Variants in SH2D4A observed in about 807,000 individuals in gnomAD.
SH2D4A encodes SH2 domain containing 4A.
SH2D4A carries 70 observed loss-of-function variants against 64.7 expected under a neutral mutation model. That is an observed-to-expected ratio of 1.08 (90% CI 0.89 to 1.32). The LOEUF is 1.32. Ranked by LOEUF, SH2D4A falls within the 40% of genes most tolerant of loss-of-function variation. The pLI, the probability that SH2D4A is intolerant of heterozygous loss-of-function variation, is 0.00. For synonymous variants in SH2D4A, 268 were observed against 200.7 expected (o/e 1.34, Z -2.83); for missense variants, 706 against 540.1 (o/e 1.31, Z -3.04).
At chr8:19,366,727 G>A (rs1301976995) in intron 7 of SH2D4A, among the ~76,000 whole-genome samples, 2 of 151,348 alleles carry the variant, frequency 1.3e-5, no homozygotes, top group Non-Finnish European at 2.9e-5. Context: ...AGGAGGCGAA[G>A]GCTGTTGTGA....
rs556713220 is a variant in SH2D4A at position 19,394,972 on chromosome 8, C to T, written c.*330C>T. ...TTAGAAATTAAGGTGTACTTGAAAA[C>T]GAATATCTATCATATGACCCCTGCA... is the stretch of plus-strand genomic sequence containing the variant. On this transcript the variant is annotated 3_prime_UTR_variant, in exon 10 of 10. Coordinates refer to ENST00000265807, the MANE Select transcript of SH2D4A (RefSeq NM_022071.4). 114 of 175,588 alleles carry T rather than the reference C, an allele frequency of 6.5e-4. 1 individual carries two copies. The South Asian group carries it at 0.021, about 32-fold the overall frequency. The allele number at this position is 175,588 out of a possible 1,614,324, so 10.9% of individuals were successfully genotyped here.
intron 7 of SH2D4A, among the ~76,000 whole-genome samples, chr8:19,369,117 T>C (rs2053051437): frequency 6.6e-6 from 1 of 152,198 alleles, no homozygotes; most frequent in Non-Finnish European, 1.5e-5. Flanking sequence ...ATTCTGTTAA[T>C]GTGATGTGTC....
Position 19,373,603 on chromosome 8 carries a change from C to G in SH2D4A, c.991C>G (p.Leu331Val). The change falls in exon 8 of 10, where the codon CTA becomes GTA. Residue 331 changes from leucine (L) to valine (V), a missense_variant. Transcript: ENST00000265807. ...DIIRWFKEEQ[L>V]PLRAGYQKTS... Reference sequence around the variant, plus strand: ...CATCCGGTGGTTTAAAGAGGAGCAGCTACCACTTCGAGCGGGCTACCAGAA... The same window carrying G: ...CATCCGGTGGTTTAAAGAGGAGCAGGTACCACTTCGAGCGGGCTACCAGAA... 1.2e-6 allele frequency: 2 copies of G among 1,613,414 alleles called. No individual in the cohort carries two copies. Among genetic ancestry groups the G allele is most frequent in the South Asian group, 2.2e-5 (2 of 91,040 alleles).
intron 8 of SH2D4A, among the ~76,000 whole-genome samples, chr8:19,383,990 G>A (rs1378364727): frequency 6.6e-6 from 1 of 152,166 alleles, no homozygotes; most frequent in Non-Finnish European, 1.5e-5. Context: ...GTACCTAATA[G>A]GTGGTGTTTG....
Position 19,334,745 on chromosome 8 carries a change from T to G in SH2D4A, c.401T>G (p.Leu134Arg). 4 of 1,614,114 alleles carry G rather than the reference T, an allele frequency of 2.5e-6. No individual in the cohort carries two copies. The highest frequency in any genetic ancestry group is 3.4e-6 in the Non-Finnish European group (4 of 1,180,006). The change falls in exon 4 of 10, where the codon CTG becomes CGG. Residue 134 changes from leucine (L) to arginine (R), a missense_variant. Transcript: ENST00000265807. ...AAAACAAAATCACAGTACCATGATC[T>G]GCAGGCTCCGGATAACCAGCAGACT... ...SLKTKSQYHDLQAPDNQQTKD... is the reference protein window; with the variant it reads ...SLKTKSQYHDRQAPDNQQTKD...
At chr8:19,345,142 GTAC>G (rs1388889244) in intron 4 of SH2D4A, among the ~76,000 whole-genome samples, 2 of 152,140 alleles carry the variant, frequency 1.3e-5, no homozygotes, top group African/African-American at 4.8e-5. Flanking sequence ...CCAGGTGCAG[GTAC>G]TTCCTATGCT....
chr8:19,353,661 C>G, intron 4 of SH2D4A, among the ~76,000 whole-genome samples: 1 of 146,228 alleles, frequency 6.8e-6, no homozygotes, highest in Non-Finnish European at 1.5e-5. Flanking sequence ...GCCACCACAC[C>G]TGGCCTCTAG....
intron 8 of SH2D4A, among the ~76,000 whole-genome samples, chr8:19,378,282 G>C (rs2053229593): frequency 6.6e-6 from 1 of 152,104 alleles, no homozygotes. Flanking sequence ...TTTCAATGAG[G>C]TTAAATTTAG....
intron 2 of SH2D4A, among the ~76,000 whole-genome samples, chr8:19,330,445 A>G (rs2052351387): frequency 6.6e-6 from 1 of 152,158 alleles, no homozygotes. Flanking sequence ...CTTCTTGCCA[A>G]GAGCCACTGC....
In SH2D4A at chr8:19,394,995, G is replaced by A. The variant is rs193056551; in HGVS notation, c.*353G>A. 98 of 158,132 alleles carry A rather than the reference G, an allele frequency of 6.2e-4. No individual in the cohort carries two copies. The highest frequency in any genetic ancestry group is 1.2e-3 in the Admixed American group (19 of 15,448). 9.8% of individuals were successfully genotyped at this position (158,132 alleles called of 1,614,324 possible). A position where few individuals can be genotyped will look rare whatever the true frequency, so the allele number is the denominator to read the frequency against. The stretch of plus-strand genomic sequence containing the variant: ...AACGAATATCTATCATATGACCCCT[G>A]CACTCCCTCTGTATCATCTCAGGAG... On this transcript the variant is annotated 3_prime_UTR_variant, in exon 10 of 10. Transcript: ENST00000265807.
chr8:19,393,520 G>A lies in SH2D4A; in HGVS notation c.1251G>A (p.Ala417=), dbSNP rs745457327. ...GVDQLQHATL[A]DLVEYHKEEP... ...ACCAGCTACAGCATGCCACCTTGGC[G>A]GATTTGGTGGAATATCACAAGGTGA... The change falls in exon 9 of 10, where the codon GCG becomes GCA. Residue 417 remains alanine (A), a synonymous_variant. Transcript: ENST00000265807. 114 of 1,614,044 alleles carry A rather than the reference G, an allele frequency of 7.1e-5. No homozygotes were observed. The highest frequency in any genetic ancestry group is 1.8e-4 in the Admixed American group (11 of 60,002).
At chr8:19,394,519 A>ACTAT in intron 9 of SH2D4A, 31 bp from the exon 10 acceptor site, 1 of 1,521,430 alleles carries the variant, frequency 6.6e-7, no homozygotes, top group Non-Finnish European at 9.0e-7. Context: ...CACTACTTAC[A>ACTAT]CTATCTGACC....
chr8:19,326,738 T>TG (rs1019111623), intron 2 of SH2D4A, among the ~76,000 whole-genome samples: 3 of 152,142 alleles, frequency 2.0e-5, no homozygotes, highest in African/African-American at 7.2e-5. Context: ...TCTTTTACTG[T>TG]GATTGCCCAT....
At chr8:19,384,419 T>C (rs1389892583) in intron 8 of SH2D4A, among the ~76,000 whole-genome samples, 3 of 152,218 alleles carry the variant, frequency 2.0e-5, no homozygotes, top group Admixed American at 6.5e-5. Flanking sequence ...CTGCCTGATT[T>C]TGTCACCCTT....
In SH2D4A at chr8:19,364,190, C is replaced by G; in HGVS notation, c.825C>G (p.Ser275Arg). Residue 275 changes from serine to arginine, a missense_variant, in exon 7 of 10, where the codon AGC (serine) becomes AGG (arginine). Ser to Arg is a moderately radical substitution (Grantham distance 110). Coordinates refer to ENST00000265807, the MANE Select transcript of SH2D4A (RefSeq NM_022071.4). ...GAAGAGGCGGTGAGAGGCTGCAAAG[C>G]CCCTTGCGTGTTCCGCAGAAACCAG... ...QKGRGGERLQSPLRVPQKPER... is the reference protein window; with the variant it reads ...QKGRGGERLQRPLRVPQKPER... 1 of 1,614,150 alleles carries G rather than the reference C, an allele frequency of 6.2e-7. No individual in the cohort carries two copies. The highest frequency in any genetic ancestry group is 1.1e-5 in the South Asian group (1 of 91,090).
rs368547138 is a variant in SH2D4A at position 19,334,882 on chromosome 8, T to C, written c.513+25T>C. 3 of 1,569,798 alleles carry C rather than the reference T, an allele frequency of 1.9e-6. No individual in the cohort carries two copies. The African/African-American group carries it at 4.1e-5, about 22-fold the overall frequency. ...AGTGAGTCCTTACTGTCTGTAGACG[T>C]GCGGAATTTCATCATGGGGGAGAAA... is the stretch of plus-strand genomic sequence containing the variant. On this transcript the variant is annotated intron_variant, in intron 4 of 9. Transcript: ENST00000265807.
chr8:19,392,413 G>A (rs773000771), intron 8 of SH2D4A, among the ~76,000 whole-genome samples: 1 of 152,174 alleles, frequency 6.6e-6, no homozygotes, highest in African/African-American at 2.4e-5. Flanking sequence ...ATTCTCTGCA[G>A]TGTGGGGCTG....
chr8:19,367,102 C>A (rs2053010408), intron 7 of SH2D4A, among the ~76,000 whole-genome samples: 1 of 151,588 alleles, frequency 6.6e-6, no homozygotes, highest in Admixed American at 6.6e-5. Context: ...CTTTTTATGT[C>A]TGAATAATAT....
intron 7 of SH2D4A, among the ~76,000 whole-genome samples, chr8:19,372,304 A>G (rs1374496699): frequency 6.6e-6 from 1 of 152,148 alleles, no homozygotes; most frequent in Non-Finnish European, 1.5e-5. Context: ...CAAGGGCTCT[A>G]TGATTTACAC....
Sources: allele counts gnomAD v4.1 joint callset (sites outside exome capture counted in the v4.1 genomes callset), GRCh38; gene constraint gnomAD v4.1.1; transcripts MANE v1.5; gene names NCBI Gene and HGNC (gene_info 2026-07-23, HGNC 2026-07-21).